CFDP1: variants seen among roughly 807,000 people sequenced by gnomAD.
CFDP1 encodes the protein heterochromatin-stabilizing protein CFDP1.
Under a neutral mutation model 40.1 loss-of-function variants are expected in CFDP1, and 31 were observed. That is an observed-to-expected ratio of 0.77 (90% CI 0.58 to 1.04). The LOEUF is 1.04. Ranked by LOEUF, CFDP1 falls within the 50% of genes least tolerant of loss-of-function variation. The pLI, the probability that CFDP1 is intolerant of heterozygous loss-of-function variation, is 0.00. For synonymous variants in CFDP1, 167 were observed against 120.0 expected, an observed-to-expected ratio of 1.39 and a Z score of -2.56; for missense variants, 423 against 343.4, an observed-to-expected ratio of 1.23 and a Z score of -1.83.
intron 5 of CFDP1, among the ~76,000 whole-genome samples, chr16:75,320,024 A>G (rs1337205233): frequency 6.6e-6 from 1 of 152,224 alleles, no homozygotes; most frequent in Non-Finnish European, 1.5e-5. Flanking sequence ...CTCTTTAACA[A>G]ATGGAAGATT....
intron 5 of CFDP1, among the ~76,000 whole-genome samples, chr16:75,382,187 T>C (rs1242419267): frequency 6.6e-6 from 1 of 151,326 alleles, no homozygotes; most frequent in Non-Finnish European, 1.5e-5. Context: ...TGAGATAGAG[T>C]ACCATAATTA....
chr16:75,331,825 G>A (rs2078448003), intron 5 of CFDP1, among the ~76,000 whole-genome samples: 1 of 152,138 alleles, frequency 6.6e-6, no homozygotes, highest in Non-Finnish European at 1.5e-5. Flanking sequence ...TCTTTTGGAT[G>A]AAAACTTAGA....
In CFDP1 at chr16:75,418,184, C is replaced by T. The variant is rs146719523; in HGVS notation, c.65-3489G>A. Among the ~76,000 whole-genome samples the T allele has an allele frequency of 1.1e-3, 131 of 118,176 alleles. 1 individual carries two copies. The East Asian group carries it at 0.03, about 27-fold the overall frequency. 77.5% of individuals were successfully genotyped at this position (118,176 alleles called of 152,430 possible). The stretch of plus-strand genomic sequence containing the variant: ...AGGAGAATTGCTTGAACCTGGGGGG[C>T]GGAGGTTGCGATGAGCTGAGATACA... On this transcript the variant is annotated intron_variant, in intron 1 of 6. Coordinates refer to ENST00000283882, the MANE Select transcript of CFDP1 (RefSeq NM_006324.3).
chr16:75,316,977 C>T (rs1420480467), intron 5 of CFDP1, among the ~76,000 whole-genome samples: 1 of 151,188 alleles, frequency 6.6e-6, no homozygotes, highest in Non-Finnish European at 1.5e-5. Flanking sequence ...GTGAAAACTC[C>T]GTCTCAAAAA....
At chr16:75,391,917 G>C (rs1448392112) in intron 5 of CFDP1, among the ~76,000 whole-genome samples, 2 of 151,840 alleles carry the variant, frequency 1.3e-5, no homozygotes, top group African/African-American at 4.8e-5. Flanking sequence ...GCAGTGAGCC[G>C]AGATCGCGCC....
Position 75,305,015 on chromosome 16 carries a change from C to A in CFDP1, c.809+9G>T. On this transcript the variant is annotated intron_variant, in intron 6 of 6. Transcript: ENST00000283882. ...GATTTTCCAAGGCATAAAACCTACT[C>A]CTTCTTACCCCTCTTTCCCTCGATT... The A allele has an allele frequency of 1.2e-6, 2 of 1,613,222 alleles. No homozygotes were observed. Among genetic ancestry groups the A allele is most frequent in the South Asian group, 1.1e-5 (1 of 91,004 alleles).
At chr16:75,328,144 ATTTT>A (rs1262815642) in intron 5 of CFDP1, among the ~76,000 whole-genome samples, 1 of 127,634 alleles carries the variant, frequency 7.8e-6, no homozygotes, top group Admixed American at 8.1e-5. Context: ...TTGGTACTTG[ATTTT>A]TTTTTTTTTT....
chr16:75,374,345 A>G (rs1463938626), intron 5 of CFDP1, among the ~76,000 whole-genome samples: 1 of 152,240 alleles, frequency 6.6e-6, no homozygotes, highest in Non-Finnish European at 1.5e-5. Context: ...ATGTTAGTAT[A>G]TGTATTTTTG....
intron 4 of CFDP1, among the ~76,000 whole-genome samples, chr16:75,397,244 G>C (rs1017892940): frequency 2.0e-5 from 3 of 151,568 alleles, no homozygotes; most frequent in African/African-American, 4.8e-5. Context: ...GCCAGGTACA[G>C]TGGCTCATGC....
At chr16:75,359,370 G>T (rs1003576159) in intron 5 of CFDP1, among the ~76,000 whole-genome samples, 6 of 152,132 alleles carry the variant, frequency 3.9e-5, no homozygotes, top group African/African-American at 1.4e-4. Flanking sequence ...GGAAAAGAAA[G>T]CCAGATTCTT....
intron 5 of CFDP1, among the ~76,000 whole-genome samples, chr16:75,341,103 T>A (rs1337232291): frequency 1.3e-5 from 2 of 152,210 alleles, no homozygotes. Flanking sequence ...CCAGAGCACT[T>A]TCTAATGCTT....
At chr16:75,427,339 C>A (rs369083372) in intron 1 of CFDP1, among the ~76,000 whole-genome samples, 12 of 152,122 alleles carry the variant, frequency 7.9e-5, no homozygotes, top group African/African-American at 2.4e-4. Flanking sequence ...CAACCTCCAC[C>A]TCCTGGGTTC....
In CFDP1 at chr16:75,414,623, T is replaced by G; in HGVS notation, c.137A>C (p.Gln46Pro). 6.2e-7 allele frequency: 1 copy of G among 1,614,032 alleles called. No individual in the cohort carries two copies. Among genetic ancestry groups the G allele is most frequent in the Non-Finnish European group, 8.5e-7 (1 of 1,179,898 alleles). The change falls in exon 2 of 7, where the codon CAG becomes CCG. Residue 46 changes from glutamine (Q) to proline (P), a missense_variant. Gln to Pro is a moderately conservative substitution (Grantham distance 76). Transcript: ENST00000283882. ...CTTTCTTTTTTTCCCTTGGGTTTTCTGTGTCTGCTCTTCACCATCCACTTC... is the reference window on the plus strand; with the variant it reads ...CTTTCTTTTTTTCCCTTGGGTTTTCGGTGTCTGCTCTTCACCATCCACTTC... ...EDEVDGEEQT[Q>P]KTQGKKRKAQ...
intron 5 of CFDP1, among the ~76,000 whole-genome samples, chr16:75,386,563 A>G (rs961476427): frequency 5.3e-5 from 8 of 152,136 alleles, no homozygotes; most frequent in Admixed American, 2.6e-4. Flanking sequence ...TGTCTCTACT[A>G]AAAATACAAA....
chr16:75,418,865 A>G lies in CFDP1; in HGVS notation c.65-4170T>C, dbSNP rs1007321246. On this transcript the variant is annotated intron_variant, in intron 1 of 6. Coordinates refer to ENST00000283882, the MANE Select transcript of CFDP1 (RefSeq NM_006324.3). ...AGATCAAGGCCAGGTGCAGTGGCTC[A>G]TGCCTGTAATCCTACCACCTTAGGA... is the stretch of plus-strand genomic sequence containing the variant. 7.9e-5 allele frequency among the ~76,000 whole-genome samples: 12 copies of G among 152,214 alleles called. No individual in the cohort carries two copies. The East Asian group carries it at 1.9e-3, about 25-fold the overall frequency.
intron 4 of CFDP1, among the ~76,000 whole-genome samples, chr16:75,408,312 A>T (rs1193513540): frequency 6.7e-6 from 1 of 149,874 alleles, no homozygotes; most frequent in Admixed American, 6.7e-5. Flanking sequence ...ATCCCATGTT[A>T]AAAAAAAAAT....
At chr16:75,344,002 AAC>A (rs1460347401) in intron 5 of CFDP1, among the ~76,000 whole-genome samples, 1 of 152,214 alleles carries the variant, frequency 6.6e-6, no homozygotes, top group Non-Finnish European at 1.5e-5. Context: ...TCTAGCAGGA[AAC>A]AGTTTCCCCC....
At chr16:75,380,083 A>G (rs2078840347) in intron 5 of CFDP1, 1 of 151,914 alleles carries the variant, frequency 6.6e-6, no homozygotes, top group South Asian at 2.1e-4. Flanking sequence ...GGTTGCACTG[A>G]GCTGAGATTG....
intron 4 of CFDP1, among the ~76,000 whole-genome samples, chr16:75,407,473 T>C (rs1438225927): frequency 1.3e-5 from 2 of 150,404 alleles, no homozygotes; most frequent in African/African-American, 2.4e-5. Context: ...GTCCAGGAGG[T>C]TCAAGAGCAG....
Sources: gnomAD v4.1 joint callset for allele counts (sites outside exome capture counted in the v4.1 genomes callset) on GRCh38, gnomAD v4.1.1 for gene constraint, MANE v1.5 for transcripts, NCBI Gene and HGNC (gene_info 2026-07-23, HGNC 2026-07-21) for gene names.